Variants in CELF4 observed in about 807,000 individuals in gnomAD.
CELF4 encodes CUGBP Elav-like family member 4, also known as CUG-BP- and ETR-3-like factor 4.
CELF4 carries 18 observed loss-of-function variants against 59.9 expected under a neutral mutation model. The observed-to-expected ratio is 0.30, with a 90% CI of 0.21 to 0.45. The LOEUF (loss-of-function observed/expected upper bound fraction) is 0.45, where lower values mean the gene tolerates loss of function less well. Among genes scored for constraint, CELF4 ranks in the 20% least tolerant of loss-of-function variants. CELF4 has a pLI of 1.00. For missense variants in CELF4, 456 were observed against 689.0 expected (o/e 0.66, Z 3.79); for synonymous variants, 261 against 267.1 (o/e 0.98, Z 0.22).
intron 2 of CELF4, among the ~76,000 whole-genome samples, chr18:37,388,403 C>T (rs1195079811): frequency 2.6e-5 from 4 of 151,502 alleles, no homozygotes; most frequent in African/African-American, 9.7e-5. Context: ...TCTTCCCTCC[C>T]TTCCCTCCTC....
chr18:37,431,532 T>G (rs940104783), intron 2 of CELF4, among the ~76,000 whole-genome samples: 1 of 152,048 alleles, frequency 6.6e-6, no homozygotes. Context: ...CACGCCCAGC[T>G]AATTATTTTT....
chr18:37,545,772 A>G (rs1048559824), intron 1 of CELF4, among the ~76,000 whole-genome samples: 2 of 151,818 alleles, frequency 1.3e-5, no homozygotes, highest in African/African-American at 2.4e-5. Context: ...ACACACACAC[A>G]CACGGCCCTG....
chr18:37,290,019 A>C (rs755849650), intron 3 of CELF4, among the ~76,000 whole-genome samples: 9 of 152,190 alleles, frequency 5.9e-5, no homozygotes, highest in Admixed American at 2.6e-4. Context: ...CGAGTGCCTG[A>C]GAATGGAAGA....
intron 2 of CELF4, among the ~76,000 whole-genome samples, chr18:37,484,996 T>TAG (rs1257051822): frequency 1.3e-5 from 2 of 152,140 alleles, no homozygotes; most frequent in African/African-American, 4.8e-5. Context: ...GCCTCGATAA[T>TAG]AGCCATGGCT....
At chr18:37,498,655 G>C (rs1199471784) in intron 1 of CELF4, among the ~76,000 whole-genome samples, 2 of 151,948 alleles carry the variant, frequency 1.3e-5, no homozygotes, top group East Asian at 3.9e-4. Context: ...CTACACAGTG[G>C]TAACATGGGA....
At chr18:37,366,392 C>A (rs761040731) in intron 2 of CELF4, among the ~76,000 whole-genome samples, 18 of 152,212 alleles carry the variant, frequency 1.2e-4, no homozygotes, top group Non-Finnish European at 2.2e-4. Flanking sequence ...CACTTGCCAA[C>A]TCCGAACCTC....
At chr18:37,461,288 G>C (rs2099792777) in intron 2 of CELF4, among the ~76,000 whole-genome samples, 2 of 152,196 alleles carry the variant, frequency 1.3e-5, no homozygotes, top group African/African-American at 4.8e-5. Flanking sequence ...ACCTAAGACT[G>C]GGTAATTTAT....
chr18:37,422,857 C>A (rs1344235524), intron 2 of CELF4, among the ~76,000 whole-genome samples: 2 of 152,180 alleles, frequency 1.3e-5, no homozygotes, highest in Non-Finnish European at 2.9e-5. Flanking sequence ...GTCCTATTTC[C>A]CCAGCAGAAA....
rs1322015515 is a variant in CELF4 at position 37,254,124 on chromosome 18, G to C, written c.1334-186C>G. 4.0e-6 allele frequency: 1 copy of C among 248,972 alleles called. No individual in the cohort carries two copies. 15.4% of individuals were successfully genotyped at this position (248,972 alleles called of 1,614,324 possible). On this transcript the variant is annotated intron_variant, in intron 11 of 12. Transcript: ENST00000420428. This position sits in a 1 kb window ranked among gnomAD's most constrained non-coding sequence, Gnocchi z 5.1. ...CGCGCGCGTGCTAGGCCCCTCCGGGGGCAGGCGCTGGCGGGGACCCGGCTC... is the reference window on the plus strand; with the variant it reads ...CGCGCGCGTGCTAGGCCCCTCCGGGCGCAGGCGCTGGCGGGGACCCGGCTC...
chr18:37,510,424 G>A (rs997731286), intron 1 of CELF4, among the ~76,000 whole-genome samples: 1 of 152,228 alleles, frequency 6.6e-6, no homozygotes, highest in African/African-American at 2.4e-5. Flanking sequence ...GCACTTGGGT[G>A]CCTCAGCTCT....
chr18:37,252,820 G>A (rs2066382528), intron 12 of CELF4, among the ~76,000 whole-genome samples: 2 of 151,582 alleles, frequency 1.3e-5, no homozygotes, highest in Admixed American at 1.3e-4. Flanking sequence ...TAACACAGTA[G>A]CTGGCACACA....
chr18:37,501,811 A>G (rs181067938), intron 1 of CELF4, among the ~76,000 whole-genome samples: 23 of 152,338 alleles, frequency 1.5e-4, no homozygotes, highest in Admixed American at 5.9e-4. Context: ...GCAGTCAGCC[A>G]GTGTGCTCTG....
intron 3 of CELF4, among the ~76,000 whole-genome samples, chr18:37,312,125 A>G (rs1256890688): frequency 1.3e-4 from 16 of 118,718 alleles, no homozygotes; most frequent in African/African-American, 1.7e-4. Flanking sequence ...AAAAAAAAAA[A>G]AAAAAGAAAA....
At chr18:37,477,245 A>G (rs575160803) in intron 2 of CELF4, among the ~76,000 whole-genome samples, 2 of 152,336 alleles carry the variant, frequency 1.3e-5, no homozygotes, top group East Asian at 1.9e-4. Flanking sequence ...CTGGGCCCCA[A>G]GGGCAGTGCT....
chr18:37,444,617 TACACACAC>T (rs61248144), intron 2 of CELF4, among the ~76,000 whole-genome samples: 1,601 of 134,036 alleles, frequency 0.012, 47 homozygotes, highest in African/African-American at 0.041. Context: ...CTAGCATGCA[TACACACAC>T]ACACACACAC....
intron 2 of CELF4, among the ~76,000 whole-genome samples, chr18:37,417,619 C>G (rs2154593223): frequency 6.6e-6 from 1 of 152,322 alleles, no homozygotes; most frequent in East Asian, 1.9e-4. Context: ...GTAGCTGGAA[C>G]CACCAGCTCT....
intron 3 of CELF4, among the ~76,000 whole-genome samples, chr18:37,281,787 T>C (rs1296490069): frequency 1.3e-5 from 2 of 152,106 alleles, no homozygotes; most frequent in Non-Finnish European, 2.9e-5. Context: ...GAGCCCAGGG[T>C]CATCCCATGC....
chr18:37,488,384 A>G (rs546345825), intron 1 of CELF4, among the ~76,000 whole-genome samples: 10 of 152,276 alleles, frequency 6.6e-5, no homozygotes, highest in African/African-American at 1.9e-4. Context: ...TGTCCAGCAT[A>G]TAAGTGGAGG....
At chr18:37,312,110 C>CAAAAAAAAAAAAAAAAAAA (rs59872500) in intron 3 of CELF4, among the ~76,000 whole-genome samples, 3 of 50,780 alleles carry the variant, frequency 5.9e-5, no homozygotes, top group African/African-American at 2.2e-4. Context: ...GATTCCGTCT[C>CAAAAAAAAAAAAAAAAAAA]AAAAAAAAAA....
Sources: gnomAD v4.1 joint callset for allele counts (sites outside exome capture counted in the v4.1 genomes callset) on GRCh38, gnomAD v4.1.1 for gene constraint, Gnocchi (gnomAD v3.1) non-coding constraint, MANE v1.5 for transcripts, NCBI Gene and HGNC (gene_info 2026-07-23, HGNC 2026-07-21) for gene names.